FBRSL1: variants seen among roughly 807,000 people sequenced by gnomAD.
The protein encoded by FBRSL1 is fibrosin-1-like protein.
In FBRSL1, 51 loss-of-function variants were observed where a neutral mutation model predicts 89.6. That is an observed-to-expected ratio of 0.57 (90% CI 0.45 to 0.72). FBRSL1 has a LOEUF of 0.72. FBRSL1 is among the 30% of genes least tolerant of loss of function. The pLI is 0.00. For synonymous variants in FBRSL1, 779 were observed against 681.1 expected, an observed-to-expected ratio of 1.14 and a Z score of -2.24; for missense variants, 1,618 against 1,451.8, an observed-to-expected ratio of 1.11 and a Z score of -1.86.
At chr12:132,572,750 C>T (rs1244511195) in intron 11 of FBRSL1, 128 bp downstream of exon 11, 6 of 714,440 alleles carry the variant, frequency 8.4e-6, no homozygotes, top group Middle Eastern at 3.8e-4. Context: ...CTGTCGTCAT[C>T]TGGGTGCTGG....
chr12:132,571,485 C>T (rs1487931341), intron 9 of FBRSL1: 22 of 1,547,638 alleles, frequency 1.4e-5, no homozygotes, highest in Non-Finnish European at 1.7e-5. Flanking sequence ...CCCCCTTCCC[C>T]GCAGGGCTGC....
At position 132,572,216 on chromosome 12, in the gene FBRSL1, G is replaced by C. The variant is rs1449326305; in HGVS notation, c.1378-72G>C. The C allele has an allele frequency of 1.6e-5, 23 of 1,430,376 alleles. No homozygotes were observed. In the East Asian group the frequency reaches 5.7e-4, roughly 36 times the overall value. The allele number at this position is 1,430,376 out of a possible 1,614,324, so 88.6% of individuals were successfully genotyped here. A position where few individuals can be genotyped will look rare whatever the true frequency, so the allele number is the denominator to read the frequency against. On this transcript the variant is annotated intron_variant, in intron 9 of 18. Coordinates refer to ENST00000680143, the MANE Select transcript of FBRSL1 (RefSeq NM_001367871.1). Reference sequence around the variant, plus strand: ...GTCCTGTCACTGCCCAGCCCGGCCAGGTGGGCGGGGCCCGGGGCCCAGCAA... The same window carrying C: ...GTCCTGTCACTGCCCAGCCCGGCCACGTGGGCGGGGCCCGGGGCCCAGCAA...
intron 5 of FBRSL1, among the ~76,000 whole-genome samples, chr12:132,559,692 C>T (rs930161720): frequency 7.9e-5 from 12 of 152,222 alleles, no homozygotes; most frequent in African/African-American, 2.7e-4. Context: ...GGCCACCGCG[C>T]CCGGCTGTCG....
intron 5 of FBRSL1, among the ~76,000 whole-genome samples, chr12:132,550,531 G>T (rs1490487513): frequency 1.3e-5 from 2 of 152,184 alleles, no homozygotes; most frequent in African/African-American, 4.8e-5. Context: ...AAAACTGCAG[G>T]GGCCTCTCCT....
chr12:132,572,737 T>G, intron 11 of FBRSL1, 115 bp downstream of exon 11: 2 of 755,754 alleles, frequency 2.6e-6, no homozygotes, highest in Non-Finnish European at 4.4e-6. Context: ...CCCTCCCTTG[T>G]ACCTGTCGTC....
At chr12:132,565,043 G>C (rs898698798) in intron 5 of FBRSL1, 2 of 152,102 alleles carry the variant, frequency 1.3e-5, no homozygotes, top group Admixed American at 6.5e-5. Context: ...TTACAGATCA[G>C]GGGGACAGAC....
chr12:132,495,846 T>C (rs2031931612), intron 1 of FBRSL1, among the ~76,000 whole-genome samples: 1 of 152,258 alleles, frequency 6.6e-6, no homozygotes, highest in East Asian at 1.9e-4. Flanking sequence ...GGCCCTGCCA[T>C]GGCTGGAGCA....
At chr12:132,511,579 G>A (rs3751297) in intron 2 of FBRSL1, 258,734 of 983,122 alleles carry the variant, frequency 0.26, 29,489 homozygotes, top group Non-Finnish European at 0.28. Flanking sequence ...CTAACCAGTG[G>A]TCCTCCAGAG....
At position 132,570,125 on chromosome 12, in the gene FBRSL1, C is replaced by T; in HGVS notation, c.891C>T (p.His297=). The T allele has an allele frequency of 6.8e-7, 1 of 1,478,572 alleles. No homozygotes were observed. Among genetic ancestry groups the T allele is most frequent in the Non-Finnish European group, 8.9e-7 (1 of 1,123,402 alleles). The allele number at this position is 1,478,572 out of a possible 1,614,324, so 91.6% of individuals were successfully genotyped here. ...AGGAACCCCCCGCCCCGCACCGCCA[C>T]ACCCCGCAGCCGCCACCCCCGCAGC... is the stretch of plus-strand genomic sequence containing the variant. The part of the protein sequence containing the change: ...VKKEPPAPHR[H]TPQPPPPQPR... The change falls in exon 7 of 19, where the codon CAC becomes CAT. Residue 297 remains histidine, a synonymous_variant. Transcript: ENST00000680143.
At chr12:132,491,410 C>G (rs977691135) in intron 1 of FBRSL1, among the ~76,000 whole-genome samples, 15 of 152,214 alleles carry the variant, frequency 9.9e-5, no homozygotes, top group Admixed American at 3.3e-4. Flanking sequence ...ACAGTATTTG[C>G]TGAGCAAATA....
chr12:132,555,587 C>A (rs1385748697), intron 5 of FBRSL1, among the ~76,000 whole-genome samples: 1 of 152,186 alleles, frequency 6.6e-6, no homozygotes, highest in Admixed American at 6.5e-5. Context: ...GCCACACCCA[C>A]AAGTCTGGCA....
intron 1 of FBRSL1, among the ~76,000 whole-genome samples, chr12:132,506,682 G>C (rs1251805551): frequency 5.3e-5 from 8 of 152,286 alleles, no homozygotes; most frequent in African/African-American, 1.7e-4. Flanking sequence ...TGCAGTGTTA[G>C]CAGATTGCGT....
chr12:132,492,080 A>G (rs2136296416), intron 1 of FBRSL1, among the ~76,000 whole-genome samples: 1 of 152,274 alleles, frequency 6.6e-6, no homozygotes, highest in South Asian at 2.1e-4. Flanking sequence ...TGATAATGAC[A>G]CAGACTGTAC....
intron 2 of FBRSL1, among the ~76,000 whole-genome samples, chr12:132,514,331 G>A (rs547234722): frequency 7.4e-4 from 113 of 152,292 alleles, no homozygotes; most frequent in African/African-American, 2.5e-3. Context: ...CTGGGGCCTC[G>A]GAGGGATCTG....
intron 2 of FBRSL1, among the ~76,000 whole-genome samples, chr12:132,515,036 G>A (rs1593302607): frequency 2.0e-5 from 3 of 152,228 alleles, no homozygotes; most frequent in Admixed American, 6.5e-5. Context: ...CAGCAGGGAG[G>A]TGTGGGGGGT....
rs988312709 is a variant in FBRSL1, at chr12:132,572,217, G to A, written c.1378-71G>A. Reference sequence around the variant, plus strand: ...TCCTGTCACTGCCCAGCCCGGCCAGGTGGGCGGGGCCCGGGGCCCAGCAAC... The same window carrying A: ...TCCTGTCACTGCCCAGCCCGGCCAGATGGGCGGGGCCCGGGGCCCAGCAAC... On this transcript the variant is annotated intron_variant, in intron 9 of 18. Coordinates refer to ENST00000680143, the MANE Select transcript of FBRSL1 (RefSeq NM_001367871.1). The A allele has an allele frequency of 2.1e-6, 3 of 1,432,276 alleles. No homozygotes were observed. The African/African-American group carries it at 4.2e-5, about 20-fold the overall frequency. 88.7% of individuals were successfully genotyped at this position (1,432,276 alleles called of 1,614,324 possible).
At chr12:132,557,948 T>C (rs2038809309) in intron 5 of FBRSL1, among the ~76,000 whole-genome samples, 1 of 152,158 alleles carries the variant, frequency 6.6e-6, no homozygotes, top group Non-Finnish European at 1.5e-5. Context: ...AAGAGGGGAC[T>C]GGGGATGGCA....
chr12:132,531,757 A>G (rs115874186), intron 4 of FBRSL1, among the ~76,000 whole-genome samples: 3,812 of 152,322 alleles, frequency 0.025, 153 homozygotes, highest in African/African-American at 0.086. Context: ...TGGGGCCTCC[A>G]GCCTAATGAG....
At chr12:132,582,396 C>A (rs1333475524) in intron 18 of FBRSL1, 130 bp downstream of exon 18, 5 of 629,808 alleles carry the variant, frequency 7.9e-6, no homozygotes, top group Admixed American at 2.4e-5. Context: ...CGTTCCCCCT[C>A]CCCCTGTTCC....
Sources: gnomAD v4.1 joint callset for allele counts (sites outside exome capture counted in the v4.1 genomes callset) on GRCh38, gnomAD v4.1.1 for gene constraint, MANE v1.5 for transcripts, NCBI Gene and HGNC (gene_info 2026-07-23, HGNC 2026-07-21) for gene names.